Variants in SUSD1 observed in about 807,000 individuals in gnomAD.
SUSD1 encodes sushi domain-containing protein 1.
Under a neutral mutation model 86.9 loss-of-function variants are expected in SUSD1, and 65 were observed. That is an observed-to-expected ratio of 0.75 (90% CI 0.61 to 0.92). The LOEUF (loss-of-function observed/expected upper bound fraction) is 0.92. SUSD1 is among the 40% of genes least tolerant of loss of function. The probability of loss-of-function intolerance (pLI) is 0.00; values close to 1 mark genes in which losing one functional copy is unlikely to be tolerated. For synonymous variants in SUSD1, 346 were observed against 350.0 expected, an observed-to-expected ratio of 0.99 and a Z score of 0.13; for missense variants, 850 against 929.7, an observed-to-expected ratio of 0.91 and a Z score of 1.11.
At chr9:112,099,105 A>G (rs918800781) in intron 9 of SUSD1, among the ~76,000 whole-genome samples, 10 of 150,974 alleles carry the variant, frequency 6.6e-5, no homozygotes, top group Non-Finnish European at 1.2e-4. Flanking sequence ...GCTGGAGTGC[A>G]GTGGCACAAT....
intron 15 of SUSD1, among the ~76,000 whole-genome samples, chr9:112,044,849 C>A (rs372373161): frequency 1.3e-5 from 2 of 152,194 alleles, no homozygotes; most frequent in African/African-American, 4.8e-5. Flanking sequence ...CTACCATAAG[C>A]AAGATTAAAA....
chr9:112,093,413 C>A (rs1378632449), intron 10 of SUSD1, among the ~76,000 whole-genome samples: 1 of 152,210 alleles, frequency 6.6e-6, no homozygotes, highest in African/African-American at 2.4e-5. Flanking sequence ...CAGTGTCTGT[C>A]ACCGCCCTTT....
chr9:112,145,277 CCTTT>C (rs780284225), intron 3 of SUSD1, among the ~76,000 whole-genome samples: 19 of 125,234 alleles, frequency 1.5e-4, no homozygotes, highest in East Asian at 4.1e-4. Context: ...ACCATAATTT[CCTTT>C]TTTTTTTTTT....
intron 5 of SUSD1, among the ~76,000 whole-genome samples, chr9:112,135,591 C>A (rs2131727344): frequency 6.6e-6 from 1 of 152,336 alleles, no homozygotes; most frequent in East Asian, 1.9e-4. Context: ...AACATTAAAA[C>A]TCTTCATTCT....
At chr9:112,052,523 G>C in intron 14 of SUSD1, 85 bp from the exon 15 acceptor site, 1 of 1,496,168 alleles carries the variant, frequency 6.7e-7, no homozygotes, top group Non-Finnish European at 9.3e-7. Context: ...AGCCCTCTGA[G>C]TTTCAGCTTT....
At chr9:112,081,914 C>T (rs1307806743) in intron 10 of SUSD1, among the ~76,000 whole-genome samples, 3 of 152,114 alleles carry the variant, frequency 2.0e-5, no homozygotes, top group Non-Finnish European at 4.4e-5. Context: ...ATTTAATATA[C>T]TTTGTTAACT....
chr9:112,157,159 T>C (rs1185282112), intron 2 of SUSD1, among the ~76,000 whole-genome samples: 1 of 152,190 alleles, frequency 6.6e-6, no homozygotes, highest in African/African-American at 2.4e-5. Flanking sequence ...TAATATAGTT[T>C]TATATCAAAA....
intron 2 of SUSD1, among the ~76,000 whole-genome samples, chr9:112,153,443 A>G (rs574171207): frequency 6.6e-6 from 1 of 152,192 alleles, no homozygotes; most frequent in South Asian, 2.1e-4. Context: ...TATGATAACA[A>G]TGCTTTCTTC....
intron 10 of SUSD1, among the ~76,000 whole-genome samples, chr9:112,096,597 TGGCGCAATCTC>T (rs1193519880): frequency 6.6e-6 from 1 of 152,134 alleles, no homozygotes; most frequent in Non-Finnish European, 1.5e-5. Context: ...TGAAGTGCAG[TGGCGCAATCTC>T]GGCTCCCTGC....
rs1351337151 is a variant in SUSD1, at chr9:112,058,412, T to C, written c.2109+16A>G. The C allele has an allele frequency of 5.0e-6, 8 of 1,609,492 alleles. No individual in the cohort carries two copies. The highest frequency in any genetic ancestry group is 1.7e-4 in the Middle Eastern group (1 of 6,056). On this transcript the variant is annotated intron_variant, in intron 14 of 16. Transcript: ENST00000374270. ...AAGAAAATACAGAGTTCACAAGAGC[T>C]TGGAAAGAAAGATACCTTATTCCAT... is the stretch of plus-strand genomic sequence containing the variant.
At chr9:112,121,330 A>G (rs569006527) in intron 6 of SUSD1, among the ~76,000 whole-genome samples, 4 of 152,292 alleles carry the variant, frequency 2.6e-5, no homozygotes, top group African/African-American at 7.2e-5. Flanking sequence ...TCAACAGCAG[A>G]GGTGAGCTTT....
At chr9:112,156,166 A>G (rs1459383006) in intron 2 of SUSD1, among the ~76,000 whole-genome samples, 1 of 151,294 alleles carries the variant, frequency 6.6e-6, no homozygotes, top group Non-Finnish European at 1.5e-5. Context: ...AAAGGTAAAA[A>G]AAAAAAAAAC....
chr9:112,043,725 T>G (rs925321567), intron 15 of SUSD1, among the ~76,000 whole-genome samples: 1 of 152,188 alleles, frequency 6.6e-6, no homozygotes, highest in African/African-American at 2.4e-5. Context: ...ATTATTTGGT[T>G]GCTTTTAGTC....
At chr9:112,057,319 G>A (rs1371117035) in intron 14 of SUSD1, among the ~76,000 whole-genome samples, 1 of 152,184 alleles carries the variant, frequency 6.6e-6, no homozygotes, top group Admixed American at 6.5e-5. Context: ...AGCAGCCCAA[G>A]TTGACTAATA....
intron 2 of SUSD1, among the ~76,000 whole-genome samples, chr9:112,156,460 C>CAA (rs112602895): frequency 2.3e-5 from 3 of 130,700 alleles, no homozygotes; most frequent in Non-Finnish European, 3.3e-5. Context: ...GACTCCATCT[C>CAA]AAAAAAAAAA....
intron 5 of SUSD1, among the ~76,000 whole-genome samples, chr9:112,141,023 A>C (rs1257030632): frequency 6.6e-6 from 1 of 152,254 alleles, no homozygotes; most frequent in African/African-American, 2.4e-5. Context: ...TAGGGCACTT[A>C]CCATGAATGG....
intron 5 of SUSD1, among the ~76,000 whole-genome samples, chr9:112,125,542 G>GA (rs5899987): frequency 0.31 from 44,127 of 142,118 alleles, 7,443 homozygotes; most frequent in African/African-American, 0.46. Flanking sequence ...AACGCAGAAA[G>GA]AAAAAAAAAA....
rs779306760 is a variant in SUSD1 at position 112,078,563 on chromosome 9, G to T, written c.1728C>A (p.Val576=). The part of the protein sequence containing the change: ...LRALSSELPV[V]ISLTTQITEP... Reference sequence around the variant, plus strand: ...CTGTTATCTGGGTTGTCAGGGAGATGACCACAGGAAGTTCCGAAGACAGAG... The same window carrying T: ...CTGTTATCTGGGTTGTCAGGGAGATTACCACAGGAAGTTCCGAAGACAGAG... The change falls in exon 12 of 17, where the codon GTC becomes GTA. Residue 576 remains valine (V), a synonymous_variant. Coordinates refer to ENST00000374270, the MANE Select transcript of SUSD1 (RefSeq NM_022486.5). 5.0e-6 allele frequency: 8 copies of T among 1,611,784 alleles called. No homozygotes were observed. The African/African-American group carries it at 9.3e-5, about 19-fold the overall frequency.
intron 5 of SUSD1, among the ~76,000 whole-genome samples, chr9:112,130,814 CA>C (rs1831999184): frequency 1.4e-5 from 2 of 139,826 alleles, no homozygotes; most frequent in Non-Finnish European, 3.0e-5. Flanking sequence ...ACTTTGAGCT[CA>C]GGAGTTCAAG....
Sources: allele counts gnomAD v4.1 joint callset (sites outside exome capture counted in the v4.1 genomes callset), GRCh38; gene constraint gnomAD v4.1.1; transcripts MANE v1.5; gene names NCBI Gene and HGNC (gene_info 2026-07-23, HGNC 2026-07-21).